COL4A2: variants seen among roughly 807,000 people sequenced by gnomAD.
COL4A2 encodes collagen alpha-2(IV) chain.
Under a neutral mutation model 200.2 loss-of-function variants are expected in COL4A2, and 99 were observed. The observed-to-expected ratio is 0.49, with a 90% CI of 0.42 to 0.58. The LOEUF (loss-of-function observed/expected upper bound fraction) is 0.58, where lower values mean the gene tolerates loss of function less well. COL4A2 is among the 20% of genes least tolerant of loss of function. The probability of loss-of-function intolerance (pLI) is 0.00; values close to 1 mark genes in which losing one functional copy is unlikely to be tolerated. For synonymous variants in COL4A2, 897 were observed against 900.6 expected, an observed-to-expected ratio of 1.00 and a Z score of 0.07; for missense variants, 1,950 against 2,314.1, an observed-to-expected ratio of 0.84 and a Z score of 3.23.
chr13:110,485,925 G>T, intron 34 of COL4A2, 89 bp downstream of exon 34: 1 of 1,553,648 alleles, frequency 6.4e-7, no homozygotes, highest in Non-Finnish European at 8.7e-7. Flanking sequence ...AATTTGCTAG[G>T]GTGAGAGTGT....
At chr13:110,399,264 C>T (rs1345789715) in intron 4 of COL4A2, among the ~76,000 whole-genome samples, 1 of 152,224 alleles carries the variant, frequency 6.6e-6, no homozygotes, top group Non-Finnish European at 1.5e-5. Flanking sequence ...AAGATAAAAT[C>T]TTGTTCCTCC....
intron 18 of COL4A2, among the ~76,000 whole-genome samples, chr13:110,449,473 CG>C (rs984029341): frequency 1.1e-4 from 16 of 152,184 alleles, no homozygotes; most frequent in Admixed American, 2.6e-4. Flanking sequence ...CTTCCTCACC[CG>C]GTTTTCACTA....
intron 3 of COL4A2, among the ~76,000 whole-genome samples, chr13:110,339,029 G>A (rs1876334920): frequency 6.6e-6 from 1 of 152,206 alleles, no homozygotes; most frequent in African/African-American, 2.4e-5. Flanking sequence ...AGTACTGCAG[G>A]CCTGTGCCTT....
intron 45 of COL4A2, among the ~76,000 whole-genome samples, chr13:110,505,975 G>T (rs538319173): frequency 9.2e-5 from 14 of 152,308 alleles, no homozygotes; most frequent in Non-Finnish European, 1.8e-4. Flanking sequence ...ATGCTACTGA[G>T]AACAAAGTGT....
chr13:110,504,901 C>G (rs1036351216), intron 45 of COL4A2, among the ~76,000 whole-genome samples: 2 of 151,878 alleles, frequency 1.3e-5, no homozygotes, highest in African/African-American at 4.8e-5. Flanking sequence ...AGTCACCGTG[C>G]CTGGTCGTCT....
rs767050469 is a variant in COL4A2, at chr13:110,473,068, C to G, written c.2343C>G (p.Pro781=). Residue 781 remains proline, a synonymous_variant, in exon 29 of 48, where the codon CCC becomes CCG. Coordinates refer to ENST00000360467, the MANE Select transcript of COL4A2 (RefSeq NM_001846.4). ...CTGGAGAAGTCCTGGGAGCTCAGCC[C>G]GGGCCACGGGGAGATGCTGGTGTGC... ...GLPGEVLGAQ[P]GPRGDAGVPG... The G allele has an allele frequency of 1.3e-6, 2 of 1,536,076 alleles. No individual in the cohort carries two copies. The highest frequency in any genetic ancestry group is 1.4e-5 in the African/African-American group (1 of 72,180).
chr13:110,410,183 G>A (rs1358886432), intron 4 of COL4A2, among the ~76,000 whole-genome samples: 3 of 152,308 alleles, frequency 2.0e-5, no homozygotes, highest in Middle Eastern at 3.4e-3. Flanking sequence ...AACAGGGAGC[G>A]TGAGACATCC....
rs1045421559 is a variant in COL4A2 at position 110,491,108 on chromosome 13, T to C, written c.3347-125T>C. 15 of 699,364 alleles carry C rather than the reference T, an allele frequency of 2.1e-5. No homozygotes were observed. The African/African-American group carries it at 2.7e-4, about 12-fold the overall frequency. The allele number at this position is 699,364 out of a possible 1,614,324, so 43.3% of individuals were successfully genotyped here. On this transcript the variant is annotated intron_variant, in intron 36 of 47. Coordinates refer to ENST00000360467, the MANE Select transcript of COL4A2 (RefSeq NM_001846.4). ...AAAATCAGCTAAGGAAGGAGCACGG[T>C]TGGATGCCTCTCTCCATTCCTGAAG... is the stretch of plus-strand genomic sequence containing the variant.
At chr13:110,439,089 C>T (rs1174173266) in intron 15 of COL4A2, among the ~76,000 whole-genome samples, 1 of 152,188 alleles carries the variant, frequency 6.6e-6, no homozygotes, top group Non-Finnish European at 1.5e-5. Context: ...TCGTAAGGGT[C>T]GGGAAGGGGT....
intron 4 of COL4A2, among the ~76,000 whole-genome samples, chr13:110,409,333 C>T (rs925714258): frequency 5.9e-5 from 9 of 152,194 alleles, no homozygotes; most frequent in Admixed American, 2.6e-4. Flanking sequence ...TATGGATATT[C>T]CAACCGCAAA....
At chr13:110,430,897 TGACAGACA>T (rs771650231) in intron 10 of COL4A2, 5 of 618,136 alleles carry the variant, frequency 8.1e-6, no homozygotes, top group Non-Finnish European at 1.5e-5. Flanking sequence ...ACCTACCCAG[TGACAGACA>T]GCCCATCATC....
At chr13:110,390,765 G>A (rs1431944529) in intron 4 of COL4A2, among the ~76,000 whole-genome samples, 1 of 48,354 alleles carries the variant, frequency 2.1e-5, no homozygotes, top group Non-Finnish European at 3.8e-5. Context: ...CCTGAGAAGC[G>A]ACAGGGCAGC....
intron 3 of COL4A2, among the ~76,000 whole-genome samples, chr13:110,312,993 G>A (rs894584546): frequency 5.3e-5 from 8 of 152,182 alleles, no homozygotes; most frequent in South Asian, 2.1e-4. Context: ...AGGGTGAGCC[G>A]GGGTCTCCGC....
rs1403618256 is a variant in COL4A2 at position 110,485,778 on chromosome 13, T to C, written c.3149T>C (p.Phe1050Ser). ...GVPGIPGLPG[F>S]PGVAGPPGIT... is the part of the protein sequence containing the mutation. ...CCCGGCATCCCCGGTTTGCCAGGAT[T>C]CCCTGGGGTGGCTGGCCCCCCTGGA... The change falls in exon 34 of 48, where the codon TTC becomes TCC. Residue 1050 changes from phenylalanine to serine, a missense_variant. Transcript: ENST00000360467. The C allele has an allele frequency of 1.2e-6, 2 of 1,613,850 alleles. No homozygotes were observed. The highest frequency in any genetic ancestry group is 1.7e-6 in the Non-Finnish European group (2 of 1,179,914).
At chr13:110,408,828 C>A (rs1343308594) in intron 4 of COL4A2, among the ~76,000 whole-genome samples, 5 of 119,286 alleles carry the variant, frequency 4.2e-5, no homozygotes, top group African/African-American at 1.6e-4. Context: ...CACACATGCA[C>A]ACACACATAC....
intron 20 of COL4A2, among the ~76,000 whole-genome samples, chr13:110,452,963 A>G (rs779259189): frequency 2.0e-5 from 3 of 151,732 alleles, no homozygotes; most frequent in South Asian, 2.1e-4. Context: ...CGGGGGTTTC[A>G]CTATGTTGCC....
Position 110,485,045 on chromosome 13 carries a change from C to T in COL4A2, c.3025+18C>T, listed in dbSNP as rs1284113473. On this transcript the variant is annotated intron_variant, in intron 33 of 47. Coordinates refer to ENST00000360467, the MANE Select transcript of COL4A2 (RefSeq NM_001846.4). ...CGCAAAAGGTGAGGCTTCTGACCTG[C>T]AGCCAGGGGCCCCTAGTCCCTGCCG... The T allele has an allele frequency of 1.9e-6, 3 of 1,565,520 alleles. No homozygotes were observed. The highest frequency in any genetic ancestry group is 1.7e-6 in the Non-Finnish European group (2 of 1,149,288).
At chr13:110,433,727 G>A (rs1158636833) in intron 11 of COL4A2, among the ~76,000 whole-genome samples, 1 of 152,212 alleles carries the variant, frequency 6.6e-6, no homozygotes, top group Admixed American at 6.5e-5. Context: ...GACAGTGCCC[G>A]TGATGTGCAC....
chr13:110,485,384 A>G (rs1318310979), intron 33 of COL4A2, among the ~76,000 whole-genome samples: 1 of 152,050 alleles, frequency 6.6e-6, no homozygotes, highest in Non-Finnish European at 1.5e-5. Context: ...ATTAGCCGGC[A>G]TGGTGGTGGG....
Sources: allele counts gnomAD v4.1 joint callset (sites outside exome capture counted in the v4.1 genomes callset), GRCh38; gene constraint gnomAD v4.1.1; transcripts MANE v1.5; gene names NCBI Gene and HGNC (gene_info 2026-07-23, HGNC 2026-07-21).